The following ZFPM2 variants were observed in gnomAD, a reference collection of about 807,000 sequenced individuals.
The protein encoded by ZFPM2 is zinc finger protein ZFPM2.
Under a neutral mutation model 98.6 loss-of-function variants are expected in ZFPM2, and 20 were observed. The ratio of observed to expected loss-of-function variants is 0.20; its 90% CI spans 0.14 to 0.29. The LOEUF is 0.29. ZFPM2 is among the 10% of genes least tolerant of loss of function. The pLI, the probability that ZFPM2 is intolerant of heterozygous loss-of-function variation, is 1.00. For synonymous variants in ZFPM2, 518 were observed against 502.7 expected, an observed-to-expected ratio of 1.03 and a Z score of -0.41; for missense variants, 1,310 against 1,388.6, an observed-to-expected ratio of 0.94 and a Z score of 0.90.
chr8:105,494,772 T>C (rs1813427228), intron 3 of ZFPM2, among the ~76,000 whole-genome samples: 2 of 152,190 alleles, frequency 1.3e-5, no homozygotes, highest in African/African-American at 4.8e-5. Context: ...AGAATTCTGA[T>C]GGCTTAGGGC....
At chr8:105,552,509 T>C (rs1283182385) in intron 3 of ZFPM2, among the ~76,000 whole-genome samples, 2 of 152,140 alleles carry the variant, frequency 1.3e-5, no homozygotes, top group Non-Finnish European at 2.9e-5. Context: ...AGTGGTGACC[T>C]GCTCCCTCCC....
intron 4 of ZFPM2, among the ~76,000 whole-genome samples, chr8:105,584,518 A>G (rs984449666): frequency 1.1e-4 from 17 of 152,188 alleles, no homozygotes; most frequent in Non-Finnish European, 2.5e-4. Context: ...ATGGAGTTAA[A>G]TAAACTAAAG....
At chr8:105,770,518 C>T (rs970854567) in intron 5 of ZFPM2, among the ~76,000 whole-genome samples, 2 of 152,030 alleles carry the variant, frequency 1.3e-5, no homozygotes, top group African/African-American at 2.4e-5. Flanking sequence ...GCCCCCAACC[C>T]CCACATTATC....
intron 4 of ZFPM2, among the ~76,000 whole-genome samples, chr8:105,562,149 T>C (rs1026280203): frequency 1.3e-5 from 2 of 151,414 alleles, no homozygotes; most frequent in Admixed American, 1.3e-4. Flanking sequence ...TTACTAAAAA[T>C]ACAAAAAAAA....
At chr8:105,577,114 A>G in intron 4 of ZFPM2, among the ~76,000 whole-genome samples, 1 of 152,158 alleles carries the variant, frequency 6.6e-6, no homozygotes. Flanking sequence ...CAGCCATAGA[A>G]GTCTTGAAGG....
chr8:105,609,464 G>T (rs1386255066), intron 4 of ZFPM2, among the ~76,000 whole-genome samples: 1 of 152,152 alleles, frequency 6.6e-6, no homozygotes, highest in Non-Finnish European at 1.5e-5. Flanking sequence ...AAAGAACCTT[G>T]AATGTAATGA....
chr8:105,743,465 G>T lies in ZFPM2; in HGVS notation c.533-45253G>T, dbSNP rs528728445. Among the ~76,000 whole-genome samples, 24 of 152,168 alleles carry T rather than the reference G, an allele frequency of 1.6e-4. 1 individual carries two copies. The South Asian group carries it at 4.4e-3, about 28-fold the overall frequency. ...AATGGATGTGAGGCTATGCATGTCG[G>T]GAAAGAATAGTGTGGACTCACCAGG... On this transcript the variant is annotated intron_variant, in intron 5 of 7. Coordinates refer to ENST00000407775, the MANE Select transcript of ZFPM2 (RefSeq NM_012082.4).
At chr8:105,319,816 G>C (rs1216302053) in intron 1 of ZFPM2, 3 of 152,204 alleles carry the variant, frequency 2.0e-5, no homozygotes, top group Non-Finnish European at 4.4e-5. Context: ...GGTGCCCGGG[G>C]GTCCCGATGG....
intron 3 of ZFPM2, among the ~76,000 whole-genome samples, chr8:105,448,373 G>A (rs1449138513): frequency 6.6e-6 from 1 of 151,874 alleles, no homozygotes; most frequent in Non-Finnish European, 1.5e-5. Context: ...CAAATTTTGT[G>A]TTTTATCACT....
intron 5 of ZFPM2, among the ~76,000 whole-genome samples, chr8:105,657,007 A>T (rs909328401): frequency 3.2e-4 from 49 of 152,074 alleles, no homozygotes; most frequent in African/African-American, 1.0e-3. Flanking sequence ...TTGTTGCCCT[A>T]GTTTCTTAAG....
intron 1 of ZFPM2, among the ~76,000 whole-genome samples, chr8:105,392,340 A>G (rs1214675358): frequency 6.6e-6 from 1 of 152,218 alleles, no homozygotes; most frequent in Non-Finnish European, 1.5e-5. Flanking sequence ...TTGTTCTTTA[A>G]TTATGAAATG....
intron 5 of ZFPM2, among the ~76,000 whole-genome samples, chr8:105,749,983 A>T (rs1772108569): frequency 6.6e-6 from 1 of 152,072 alleles, no homozygotes; most frequent in Admixed American, 6.6e-5. Context: ...GGGCCACAGC[A>T]GTGAATCTCA....
intron 5 of ZFPM2, among the ~76,000 whole-genome samples, chr8:105,769,392 C>A (rs1439624007): frequency 1.3e-5 from 2 of 152,014 alleles, no homozygotes; most frequent in Non-Finnish European, 2.9e-5. Context: ...TTTACTGGGA[C>A]ATTTCTGGGC....
chr8:105,594,389 G>A (rs747299458), intron 4 of ZFPM2, among the ~76,000 whole-genome samples: 4 of 152,088 alleles, frequency 2.6e-5, no homozygotes, highest in Admixed American at 6.6e-5. Flanking sequence ...TAATATGGTA[G>A]CACTGTTGAA....
intron 6 of ZFPM2, among the ~76,000 whole-genome samples, chr8:105,790,597 G>A (rs994182040): frequency 1.1e-3 from 165 of 152,034 alleles, no homozygotes; most frequent in Non-Finnish European, 2.0e-3. Context: ...GGTTCCATAT[G>A]AACTTTAAAG....
At chr8:105,531,967 C>G (rs1182840090) in intron 3 of ZFPM2, among the ~76,000 whole-genome samples, 1 of 151,970 alleles carries the variant, frequency 6.6e-6, no homozygotes, top group Non-Finnish European at 1.5e-5. Flanking sequence ...GTGGTGTGAT[C>G]TCAGCTTACT....
rs757992625 is a variant in ZFPM2 at position 105,803,459 on chromosome 8, T to C, written c.3377T>C (p.Ile1126Thr). 3.7e-6 allele frequency: 6 copies of C among 1,613,742 alleles called. No homozygotes were observed. The Admixed American group carries it at 5.0e-5, about 13-fold the overall frequency. The change falls in exon 8 of 8, where the codon ATC becomes ACC. Residue 1126 changes from isoleucine to threonine, a missense_variant. Ile to Thr is a moderately conservative substitution (Grantham distance 89). Coordinates refer to ENST00000407775, the MANE Select transcript of ZFPM2 (RefSeq NM_012082.4). Reference sequence around the variant, plus strand: ...GGGAAATATTGCCGGCTATGTGATATCCAGTTCAACAACCTTTCAAACTTT... The same window carrying C: ...GGGAAATATTGCCGGCTATGTGATACCCAGTTCAACAACCTTTCAAACTTT... Reference protein sequence around the residue: ...TSGKYCRLCDIQFNNLSNFIT... With the variant: ...TSGKYCRLCDTQFNNLSNFIT...
chr8:105,443,192 C>G (rs1244157260), intron 2 of ZFPM2, among the ~76,000 whole-genome samples: 1 of 151,624 alleles, frequency 6.6e-6, no homozygotes, highest in African/African-American at 2.4e-5. Context: ...ACCTGTAATC[C>G]CAGCTACTTG....
intron 4 of ZFPM2, among the ~76,000 whole-genome samples, chr8:105,569,342 C>A (rs1256096658): frequency 2.0e-5 from 3 of 152,174 alleles, no homozygotes; most frequent in Non-Finnish European, 4.4e-5. Context: ...AACAGCTGCA[C>A]ACCCCTCCTT....
Sources: gnomAD v4.1 joint callset for allele counts (sites outside exome capture counted in the v4.1 genomes callset) on GRCh38, gnomAD v4.1.1 for gene constraint, MANE v1.5 for transcripts, NCBI Gene and HGNC (gene_info 2026-07-23, HGNC 2026-07-21) for gene names.